The following DNM3 variants were observed in gnomAD, a reference collection of about 807,000 sequenced individuals.
The protein encoded by DNM3 is dynamin-3.
In DNM3, 47 loss-of-function variants were observed where a neutral mutation model predicts 101.6. The ratio of observed to expected loss-of-function variants is 0.46; its 90% CI spans 0.37 to 0.59. The LOEUF (loss-of-function observed/expected upper bound fraction) is 0.59, where lower values mean the gene tolerates loss of function less well. Among genes scored for constraint, DNM3 ranks in the 20% least tolerant of loss-of-function variants. The probability of loss-of-function intolerance (pLI) is 0.00; values close to 1 mark genes in which losing one functional copy is unlikely to be tolerated. For missense variants in DNM3, 849 were observed against 1,085.7 expected, an observed-to-expected ratio of 0.78 and a Z score of 3.06; for synonymous variants, 385 against 387.9, an observed-to-expected ratio of 0.99 and a Z score of 0.09.
At chr1:172,126,606 G>T (rs1572624348) in intron 13 of DNM3, among the ~76,000 whole-genome samples, 1 of 152,100 alleles carries the variant, frequency 6.6e-6, no homozygotes, top group African/African-American at 2.4e-5. Flanking sequence ...AAATAGTGGT[G>T]CATCTTTGAG....
chr1:172,010,458 A>G (rs1263209456), intron 4 of DNM3, among the ~76,000 whole-genome samples: 1 of 150,754 alleles, frequency 6.6e-6, no homozygotes, highest in Non-Finnish European at 1.5e-5. Context: ...TTTTCACTGG[A>G]TATTGAATTT....
chr1:172,386,945 A>G (rs2069215054), intron 18 of DNM3, 188 bp from the exon 19 acceptor site: 1 of 550,940 alleles, frequency 1.8e-6, no homozygotes, highest in African/African-American at 1.9e-5. Flanking sequence ...GGAAACTGTT[A>G]CTGTCACCAG....
intron 14 of DNM3, among the ~76,000 whole-genome samples, chr1:172,186,580 G>A (rs1454767293): frequency 1.3e-5 from 2 of 152,036 alleles, no homozygotes; most frequent in African/African-American, 4.8e-5. Context: ...GAGAGGTCCA[G>A]AATCCAGGCA....
chr1:171,889,972 T>C (rs1014166013), intron 1 of DNM3, among the ~76,000 whole-genome samples: 2 of 152,198 alleles, frequency 1.3e-5, no homozygotes, highest in African/African-American at 4.8e-5. Flanking sequence ...TTAAGCTTCA[T>C]TTTGTGTTGC....
At chr1:172,116,722 T>C (rs2055922785) in intron 13 of DNM3, among the ~76,000 whole-genome samples, 1 of 152,206 alleles carries the variant, frequency 6.6e-6, no homozygotes, top group African/African-American at 2.4e-5. Flanking sequence ...AAAGGTGTGT[T>C]TATCTTGATA....
rs74538212 is a variant in DNM3 at position 171,901,418 on chromosome 1, A to G, written c.162-20330A>G. ...ACCAGTGAACAATTCAGGCCCTTGC[A>G]CAGAGCCCACTCAGCTCCACACAAC... On this transcript the variant is annotated intron_variant, in intron 1 of 20. Coordinates refer to ENST00000627582, the MANE Select transcript of DNM3 (RefSeq NM_015569.5). Among the ~76,000 whole-genome samples the G allele has an allele frequency of 1.2e-3, 176 of 152,200 alleles. 3 individuals are homozygous for G. In the East Asian group the frequency reaches 0.019, roughly 16 times the overall value.
intron 15 of DNM3, among the ~76,000 whole-genome samples, chr1:172,255,764 T>A (rs1290647682): frequency 6.6e-6 from 1 of 152,150 alleles, no homozygotes; most frequent in Non-Finnish European, 1.5e-5. Context: ...GGACCTCCAG[T>A]GCAATGTTGA....
rs183208136 is a variant in DNM3, at chr1:172,234,720, A to T, written c.1660-18853A>T. Among the ~76,000 whole-genome samples, 663 of 119,132 alleles carry T rather than the reference A, an allele frequency of 5.6e-3. 2 individuals carry two copies. Among genetic ancestry groups the T allele is most frequent in the African/African-American group, 0.02 (625 of 31,342 alleles). 78.2% of individuals were successfully genotyped at this position (119,132 alleles called of 152,430 possible). A position where few individuals can be genotyped will look rare whatever the true frequency, so the allele number is the denominator to read the frequency against. On this transcript the variant is annotated intron_variant, in intron 14 of 20. Transcript: ENST00000627582. ...AATGGAACAGAACAGAGCCCTCAGA[A>T]ATAATGCCACAGATCTACACCGATC...
At chr1:171,882,650 C>G (rs1558208322) in intron 1 of DNM3, among the ~76,000 whole-genome samples, 1 of 152,056 alleles carries the variant, frequency 6.6e-6, no homozygotes, top group Non-Finnish European at 1.5e-5. Flanking sequence ...TAAGTCATGA[C>G]TACATATTAC....
chr1:172,358,015 G>C (rs1284887645), intron 17 of DNM3, among the ~76,000 whole-genome samples: 1 of 151,992 alleles, frequency 6.6e-6, no homozygotes, highest in Non-Finnish European at 1.5e-5. Context: ...GTGTGGTAGA[G>C]GCTATTAAAA....
At chr1:172,328,812 A>G (rs903207290) in intron 17 of DNM3, among the ~76,000 whole-genome samples, 3 of 151,978 alleles carry the variant, frequency 2.0e-5, no homozygotes, top group African/African-American at 7.2e-5. Flanking sequence ...CAAAAAGAAA[A>G]CATTTTATCA....
chr1:171,966,461 G>T (rs1294864602), intron 2 of DNM3, among the ~76,000 whole-genome samples: 1 of 152,232 alleles, frequency 6.6e-6, no homozygotes, highest in African/African-American at 2.4e-5. Flanking sequence ...GAAGTGTTAA[G>T]GGGGCTTGTC....
At chr1:172,202,502 TTTTGA>T (rs1481089902) in intron 14 of DNM3, among the ~76,000 whole-genome samples, 1 of 152,190 alleles carries the variant, frequency 6.6e-6, no homozygotes, top group Non-Finnish European at 1.5e-5. Flanking sequence ...CCATATATAC[TTTTGA>T]TATGATATAT....
chr1:172,253,563 C>G lies in DNM3; in HGVS notation c.1660-10C>G, dbSNP rs754484748. 1.3e-6 allele frequency: 2 copies of G among 1,507,550 alleles called. No individual in the cohort carries two copies. Among genetic ancestry groups the G allele is most frequent in the Admixed American group, 2.0e-5 (1 of 50,034 alleles). 93.4% of individuals were successfully genotyped at this position (1,507,550 alleles called of 1,614,324 possible). On this transcript the variant is annotated splice_polypyrimidine_tract_variant and intron_variant, in intron 14 of 20. Transcript: ENST00000627582. The stretch of plus-strand genomic sequence containing the variant: ...TCCTCTCCCTCTTTTCTTTCTCTCT[C>G]TTATAATAGGAAAAAGAAAAGAAGT...
chr1:172,116,336 C>A (rs574364435), intron 13 of DNM3, among the ~76,000 whole-genome samples: 1 of 152,224 alleles, frequency 6.6e-6, no homozygotes, highest in South Asian at 2.1e-4. Context: ...TTCTCACATG[C>A]CTGCTCTTTG....
At chr1:172,186,490 G>C (rs1262219064) in intron 14 of DNM3, among the ~76,000 whole-genome samples, 1 of 151,834 alleles carries the variant, frequency 6.6e-6, no homozygotes, top group African/African-American at 2.4e-5. Context: ...TAATATAAAA[G>C]GGGAAATAAT....
At chr1:172,395,105 C>T (rs1291268184) in intron 20 of DNM3, among the ~76,000 whole-genome samples, 2 of 152,070 alleles carry the variant, frequency 1.3e-5, no homozygotes, top group Non-Finnish European at 2.9e-5. Flanking sequence ...AAATTTTATC[C>T]AAGCAACAAA....
intron 13 of DNM3, among the ~76,000 whole-genome samples, chr1:172,110,483 A>T (rs994267957): frequency 6.6e-6 from 1 of 152,202 alleles, no homozygotes; most frequent in Non-Finnish European, 1.5e-5. Context: ...TAAATATCCA[A>T]CAAGTAACTG....
At chr1:172,354,948 G>A (rs140668802) in intron 17 of DNM3, among the ~76,000 whole-genome samples, 16 of 152,268 alleles carry the variant, frequency 1.1e-4, no homozygotes, top group South Asian at 4.1e-4. Context: ...TCCGCTTGCC[G>A]TTAAAAGGAG....
Sources: gnomAD v4.1 joint callset for allele counts (sites outside exome capture counted in the v4.1 genomes callset) on GRCh38, gnomAD v4.1.1 for gene constraint, MANE v1.5 for transcripts, NCBI Gene and HGNC (gene_info 2026-07-23, HGNC 2026-07-21) for gene names.